The following RBM27 variants were observed in gnomAD, a reference collection of about 807,000 sequenced individuals.
RBM27 encodes RNA binding motif protein 27.
In RBM27, 22 loss-of-function variants were observed where a neutral mutation model predicts 135.3. The ratio of observed to expected loss-of-function variants is 0.16; its 90% CI spans 0.12 to 0.23. The LOEUF (loss-of-function observed/expected upper bound fraction) is 0.23. Ranked by LOEUF, RBM27 falls within the 10% of genes least tolerant of loss-of-function variation. RBM27 has a pLI of 1.00. For missense variants in RBM27, 1,009 were observed against 1,281.0 expected, an observed-to-expected ratio of 0.79 and a Z score of 3.24; for synonymous variants, 481 against 442.4, an observed-to-expected ratio of 1.09 and a Z score of -1.10.
At chr5:146,241,303 A>G (rs1414238888) in intron 8 of RBM27, among the ~76,000 whole-genome samples, 1 of 152,238 alleles carries the variant, frequency 6.6e-6, no homozygotes, top group Admixed American at 6.5e-5. Context: ...CTTAATAAAT[A>G]AATTAATTTG....
chr5:146,220,630 G>A (rs961761610), intron 2 of RBM27, among the ~76,000 whole-genome samples: 8 of 151,932 alleles, frequency 5.3e-5, no homozygotes, highest in Non-Finnish European at 1.2e-4. Context: ...AGAAAAGTAA[G>A]TATGGCTTCT....
chr5:146,265,553 T>C (rs996114618), intron 14 of RBM27, among the ~76,000 whole-genome samples: 1 of 152,148 alleles, frequency 6.6e-6, no homozygotes, highest in African/African-American at 2.4e-5. Flanking sequence ...AAAGTAATTA[T>C]AAAGTAAAAT....
At chr5:146,261,916 C>T in intron 13 of RBM27, 110 bp downstream of exon 13, 2 of 1,105,388 alleles carry the variant, frequency 1.8e-6, no homozygotes, top group Non-Finnish European at 2.6e-6. Context: ...TTAATTTGAA[C>T]TGCAGACCAG....
At chr5:146,258,741 A>G in intron 11 of RBM27, 148 bp downstream of exon 11, 2 of 686,856 alleles carry the variant, frequency 2.9e-6, no homozygotes, top group Non-Finnish European at 4.2e-6. Flanking sequence ...GAATGTTGTA[A>G]AAATTAAAAA....
intron 15 of RBM27, 127 bp downstream of exon 15, chr5:146,267,895 T>C: frequency 3.1e-6 from 3 of 972,072 alleles, no homozygotes; most frequent in Non-Finnish European, 4.5e-6. Context: ...TTTAGCTTCT[T>C]CTCTAATGTA....
rs1271740609 is a variant in RBM27 at position 146,286,636 on chromosome 5, A to G, written c.*606A>G. 1 of 151,786 alleles carries G rather than the reference A, an allele frequency of 6.6e-6. No homozygotes were observed. Among genetic ancestry groups the G allele is most frequent in the Admixed American group, 6.6e-5 (1 of 15,224 alleles). The allele number at this position is 151,786 out of a possible 1,614,324, so 9.4% of individuals were successfully genotyped here. A position where few individuals can be genotyped will look rare whatever the true frequency, so the allele number is the denominator to read the frequency against. On this transcript the variant is annotated 3_prime_UTR_variant, in exon 21 of 21. Transcript: ENST00000265271. ...ACTAGTTCAGTGAAAATCACAACAA[A>G]CTGTGTGTTCTTAAATGCTACAGCA... is the stretch of plus-strand genomic sequence containing the variant.
chr5:146,285,805 TGCC>T, intron 20 of RBM27, 139 bp from the exon 21 acceptor site: 1 of 507,150 alleles, frequency 2.0e-6, no homozygotes, highest in Non-Finnish European at 3.4e-6. Context: ...TTTTTTTTTT[TGCC>T]CTGAAAGATA....
chr5:146,279,869 T>TCCATTCTTA (rs1759258347), intron 19 of RBM27, among the ~76,000 whole-genome samples: 1 of 152,026 alleles, frequency 6.6e-6, no homozygotes, highest in East Asian at 1.9e-4. Context: ...TTAATCTTTT[T>TCCATTCTTA]CCATTCTTAA....
chr5:146,243,254 G>A (rs1049561469), intron 8 of RBM27, among the ~76,000 whole-genome samples: 3 of 152,024 alleles, frequency 2.0e-5, no homozygotes, highest in East Asian at 3.9e-4. Context: ...CAACAAGAGC[G>A]AAACGCCATC....
At chr5:146,274,100 T>C (rs1162091609) in intron 19 of RBM27, among the ~76,000 whole-genome samples, 1 of 152,140 alleles carries the variant, frequency 6.6e-6, no homozygotes, top group Non-Finnish European at 1.5e-5. Context: ...TTATCCTGCC[T>C]CAGCCTCCTG....
At chr5:146,282,986 T>C (rs1232351547) in intron 19 of RBM27, among the ~76,000 whole-genome samples, 1 of 152,248 alleles carries the variant, frequency 6.6e-6, no homozygotes, top group Non-Finnish European at 1.5e-5. Flanking sequence ...ATAATGTATA[T>C]GCAATACATT....
intron 3 of RBM27, among the ~76,000 whole-genome samples, chr5:146,225,873 G>GT (rs939215202): frequency 2.6e-5 from 4 of 151,006 alleles, no homozygotes; most frequent in African/African-American, 7.3e-5. Context: ...CACCTTTCTG[G>GT]TTTTTTTTAG....
intron 14 of RBM27, among the ~76,000 whole-genome samples, chr5:146,265,741 A>G (rs1041815985): frequency 1.3e-5 from 2 of 152,212 alleles, no homozygotes; most frequent in Non-Finnish European, 2.9e-5. Context: ...GACAGTGTTG[A>G]TATTCTAAAA....
intron 17 of RBM27, among the ~76,000 whole-genome samples, chr5:146,270,102 C>G (rs1476761776): frequency 6.6e-6 from 1 of 152,044 alleles, no homozygotes; most frequent in African/African-American, 2.4e-5. Flanking sequence ...AAAAAAGAAG[C>G]CTGGCCTATT....
Position 146,261,632 on chromosome 5 carries a change from T to C in RBM27, c.2016T>C (p.His672=). The part of the protein sequence containing the change: ...LNNRFIRVLW[H]RENNEQPTLQ... ...ACCGATTCATTCGAGTCTTGTGGCA[T>C]AGGGAAAATAATGAGCAACCGACAC... Residue 672 remains histidine (H), a synonymous_variant, in exon 13 of 21, where the codon CAT becomes CAC. Coordinates refer to ENST00000265271, the MANE Select transcript of RBM27 (RefSeq NM_018989.2). The C allele has an allele frequency of 6.2e-7, 1 of 1,614,128 alleles. No individual in the cohort carries two copies. Among genetic ancestry groups the C allele is most frequent in the Non-Finnish European group, 8.5e-7 (1 of 1,180,022 alleles).
rs766709971 is a variant in RBM27, at chr5:146,269,399, C to CT, written c.2527-16dup. 7.2e-6 allele frequency: 11 copies of CT among 1,519,960 alleles called. No individual in the cohort carries two copies. In the South Asian group the frequency reaches 1.4e-4, roughly 20 times the overall value. 94.2% of individuals were successfully genotyped at this position (1,519,960 alleles called of 1,614,324 possible). On this transcript the variant is annotated intron_variant, in intron 16 of 20. Coordinates refer to ENST00000265271, the MANE Select transcript of RBM27 (RefSeq NM_018989.2). The stretch of plus-strand genomic sequence containing the variant: ...TAAAGTTTATTAAGCATGGTTTTAC[C>CT]TTTTTCTATTTATTTCGTAGATGTT...
intron 11 of RBM27, among the ~76,000 whole-genome samples, chr5:146,259,574 T>G (rs1758284045): frequency 6.6e-6 from 1 of 151,930 alleles, no homozygotes; most frequent in African/African-American, 2.4e-5. Context: ...CTTTGATAAT[T>G]GTGGTAGATC....
At chr5:146,239,186 C>T (rs561991332) in intron 8 of RBM27, among the ~76,000 whole-genome samples, 35 of 152,262 alleles carry the variant, frequency 2.3e-4, no homozygotes, top group African/African-American at 8.2e-4. Context: ...TCTGGTTAAT[C>T]AAAAATTCTT....
chr5:146,265,395 G>A (rs1380701165), intron 14 of RBM27, among the ~76,000 whole-genome samples: 1 of 152,148 alleles, frequency 6.6e-6, no homozygotes, highest in East Asian at 1.9e-4. Context: ...TGAACACAGA[G>A]AAGTATTTGC....
Sources: allele counts gnomAD v4.1 joint callset (sites outside exome capture counted in the v4.1 genomes callset), GRCh38; gene constraint gnomAD v4.1.1; transcripts MANE v1.5; gene names NCBI Gene and HGNC (gene_info 2026-07-23, HGNC 2026-07-21).